The following MORN1 variants were observed in gnomAD, a reference collection of about 807,000 sequenced individuals.
MORN1 encodes the protein MORN repeat-containing protein 1.
MORN1 carries 67 observed loss-of-function variants against 61.9 expected under a neutral mutation model. That is an observed-to-expected ratio of 1.08 (90% CI 0.89 to 1.33). The LOEUF (loss-of-function observed/expected upper bound fraction) is 1.33, where lower values mean the gene tolerates loss of function less well. Ranked by LOEUF, MORN1 falls within the 40% of genes most tolerant of loss-of-function variation. The pLI, the probability that MORN1 is intolerant of heterozygous loss-of-function variation, is 0.00. For synonymous variants in MORN1, 301 were observed against 292.0 expected, an observed-to-expected ratio of 1.03 and a Z score of -0.31; for missense variants, 752 against 691.2, an observed-to-expected ratio of 1.09 and a Z score of -0.99.
intron 12 of MORN1, among the ~76,000 whole-genome samples, chr1:2,328,258 G>T (rs1324967841): frequency 1.3e-5 from 2 of 152,280 alleles, no homozygotes; most frequent in Admixed American, 6.5e-5. Context: ...CCAGGCCAGG[G>T]AGGGCGGTTT....
chr1:2,323,060 C>T lies in MORN1; in HGVS notation c.1297+1037G>A, dbSNP rs552841895. ...CTCCGCCGAGCACATAAACCCTGGC[C>T]GAGCGGCTGCGCACAGGTGCCAGCG... On this transcript the variant is annotated intron_variant, in intron 13 of 13. Coordinates refer to ENST00000378531, the MANE Select transcript of MORN1 (RefSeq NM_024848.3). 500 of 985,430 alleles carry T rather than the reference C, an allele frequency of 5.1e-4. 8 individuals carry two copies. In the South Asian group the frequency reaches 0.014, roughly 28 times the overall value. 61.0% of individuals were successfully genotyped at this position (985,430 alleles called of 1,614,324 possible).
chr1:2,323,716 C>G, intron 13 of MORN1: 1 of 985,372 alleles, frequency 1.0e-6, no homozygotes, highest in Non-Finnish European at 1.2e-6. Flanking sequence ...CTGCAGCCGG[C>G]CTTGCTGGGG....
At position 2,342,887 on chromosome 1, in the gene MORN1, T is replaced by TTTTA. The variant is rs1451893656; in HGVS notation, c.1037-6041_1037-6038dup. On this transcript the variant is annotated intron_variant, in intron 10 of 13. Coordinates refer to ENST00000378531, the MANE Select transcript of MORN1 (RefSeq NM_024848.3). ...ATTTTATTTATTTTATTTTATTTTA[T>TTTTA]TTTATTTTATTTTATTTTATTTTAT... Among the ~76,000 whole-genome samples the TTTTA allele has an allele frequency of 4.8e-3, 545 of 113,136 alleles. 5 individuals are homozygous for TTTTA. The highest frequency in any genetic ancestry group is 0.026 in the East Asian group (124 of 4,816). 74.2% of individuals were successfully genotyped at this position (113,136 alleles called of 152,430 possible).
intron 13 of MORN1, chr1:2,322,218 AG>A (rs1557863364): frequency 1.0e-6 from 1 of 985,332 alleles, no homozygotes; most frequent in East Asian, 1.1e-4. Flanking sequence ...ACCATAAAAA[AG>A]AAAATAAGAA....
Position 2,391,478 on chromosome 1 carries a change from G to C in MORN1, c.56C>G (p.Pro19Arg), listed in dbSNP as rs1190551980. The stretch of plus-strand genomic sequence containing the variant: ...GTTACCGTTCCGGGGCGGCCGCCTA[G>C]GCGGGTCCCGACGCGGCCCGCGGGA... ...PSSRGPRRDP[P>R]RRPPRNGYGV... Residue 19 changes from proline to arginine, a missense_variant, in exon 1 of 14, where the codon CCT (proline) becomes CGT (arginine). By Grantham distance (103) the Pro-to-Arg change is moderately radical. Coordinates refer to ENST00000378531, the MANE Select transcript of MORN1 (RefSeq NM_024848.3). The C allele has an allele frequency of 4.0e-6, 5 of 1,255,652 alleles. No individual in the cohort carries two copies. The highest frequency in any genetic ancestry group is 5.0e-6 in the Non-Finnish European group (5 of 993,080). 77.8% of individuals were successfully genotyped at this position (1,255,652 alleles called of 1,614,324 possible). A position where few individuals can be genotyped will look rare whatever the true frequency, so the allele number is the denominator to read the frequency against.
chr1:2,364,340 T>A (rs932700946), intron 8 of MORN1, among the ~76,000 whole-genome samples: 2 of 152,140 alleles, frequency 1.3e-5, no homozygotes, highest in Admixed American at 6.5e-5. Context: ...CATTTTTTCA[T>A]GTGTTTTTTG....
At chr1:2,385,211 C>A (rs979592262) in intron 5 of MORN1, 146 bp from the exon 6 acceptor site, 13 of 795,500 alleles carry the variant, frequency 1.6e-5, no homozygotes. Flanking sequence ...AGAGCTCCTG[C>A]CTCGCCAGGG....
At chr1:2,382,821 A>C (rs1250496678) in intron 6 of MORN1, among the ~76,000 whole-genome samples, 1 of 152,210 alleles carries the variant, frequency 6.6e-6, no homozygotes, top group Non-Finnish European at 1.5e-5. Flanking sequence ...CCCGTGGTCC[A>C]GCAAGGACAC....
In MORN1 at chr1:2,333,539, C is replaced by T. The variant is rs72920941; in HGVS notation, c.1250+2930G>A. ...CACAGGGCCACACTGTAGGGGGACC[C>T]GAGGGAGGTCTCGGACCTCAGGGGT... On this transcript the variant is annotated intron_variant, in intron 12 of 13. Transcript: ENST00000378531. Among the ~76,000 whole-genome samples, 562 of 152,280 alleles carry T rather than the reference C, an allele frequency of 3.7e-3. 4 individuals are homozygous for T. Among genetic ancestry groups the T allele is most frequent in the African/African-American group, 0.012 (503 of 41,554 alleles).
intron 10 of MORN1, among the ~76,000 whole-genome samples, chr1:2,353,588 T>C (rs1174152019): frequency 1.3e-5 from 2 of 152,260 alleles, no homozygotes; most frequent in Non-Finnish European, 2.9e-5. Flanking sequence ...CCATGATTAC[T>C]TTAGTTTTCT....
chr1:2,378,864 G>A (rs912772916), intron 6 of MORN1: 8 of 446,918 alleles, frequency 1.8e-5, no homozygotes, highest in Admixed American at 2.4e-5. Flanking sequence ...GGGGGTGCTC[G>A]TGGCCCAGGA....
At chr1:2,387,590 G>T in intron 3 of MORN1, 61 bp from the exon 4 acceptor site, 1 of 1,240,310 alleles carries the variant, frequency 8.1e-7, no homozygotes. Context: ...GGCCCCAGTC[G>T]GCTCTCCTCT....
chr1:2,383,661 G>A (rs559778414), intron 6 of MORN1, among the ~76,000 whole-genome samples: 23 of 152,334 alleles, frequency 1.5e-4, no homozygotes, highest in African/African-American at 4.6e-4. Context: ...TGTGACCTGC[G>A]CTGCGTTTAG....
rs2100302964 is a variant in MORN1, at chr1:2,357,012, CGA to C, written c.1036+418_1036+419del. ...GCGGAGCAGCGGGAAACCCTGACCT[CGA>C]GAGAGCAGTCGGCGCCGCGGCCCCC... On this transcript the variant is annotated intron_variant, in intron 10 of 13. Transcript: ENST00000378531. This position sits in a 1 kb window ranked among gnomAD's most constrained non-coding sequence, Gnocchi z 6.3. Among the ~76,000 whole-genome samples the C allele has an allele frequency of 6.6e-6, 1 of 152,220 alleles. No individual in the cohort carries two copies. The highest frequency in any genetic ancestry group is 2.1e-4 in the South Asian group (1 of 4,824).
At chr1:2,325,146 C>CCTTT (rs1640988125) in intron 12 of MORN1, among the ~76,000 whole-genome samples, 1 of 19,394 alleles carries the variant, frequency 5.2e-5, no homozygotes, top group Non-Finnish European at 9.8e-5. Context: ...CTCCCTCCCT[C>CCTTT]CCTTCCTTCC....
rs371807562 is a variant in MORN1 at position 2,325,140 on chromosome 1, C to CTTCCTTCCCTTCCT, written c.1251-998_1251-997insAGGAAGGGAAGGAA. ...TTCCTTCCCTTCCTTCCTTCCCTCC[C>CTTCCTTCCCTTCCT]TCCCTCCCTTCCTTCCCTCCCTTCC... On this transcript the variant is annotated intron_variant, in intron 12 of 13. Coordinates refer to ENST00000378531, the MANE Select transcript of MORN1 (RefSeq NM_024848.3). Among the ~76,000 whole-genome samples, 2 of 6,692 alleles carry CTTCCTTCCCTTCCT rather than the reference C, an allele frequency of 3.0e-4. 1 individual carries two copies. Among genetic ancestry groups the CTTCCTTCCCTTCCT allele is most frequent in the African/African-American group, 1.8e-3 (2 of 1,092 alleles). The allele number at this position is 6,692 out of a possible 152,430, so 4.4% of individuals were successfully genotyped here. A position where few individuals can be genotyped will look rare whatever the true frequency, so the allele number is the denominator to read the frequency against.
intron 10 of MORN1, among the ~76,000 whole-genome samples, chr1:2,342,361 C>T (rs1350664352): frequency 1.3e-5 from 2 of 152,240 alleles, no homozygotes; most frequent in Admixed American, 6.5e-5. Flanking sequence ...CAGGACCTGG[C>T]CAGGGGGAGG....
chr1:2,355,703 C>T (rs965597346), intron 10 of MORN1, among the ~76,000 whole-genome samples: 10 of 152,318 alleles, frequency 6.6e-5, no homozygotes, highest in African/African-American at 2.2e-4. Context: ...AGAGGGACTG[C>T]TGCAGACAGT....
At chr1:2,386,268 C>T (rs997407725) in intron 4 of MORN1, 12 of 216,460 alleles carry the variant, frequency 5.5e-5, no homozygotes, top group South Asian at 9.6e-5. Flanking sequence ...TTGGGCCTGT[C>T]GTTTGTTTTC....
Sources: allele counts gnomAD v4.1 joint callset (sites outside exome capture counted in the v4.1 genomes callset), GRCh38; gene constraint gnomAD v4.1.1; non-coding constraint Gnocchi (gnomAD v3.1); transcripts MANE v1.5; gene names NCBI Gene and HGNC (gene_info 2026-07-23, HGNC 2026-07-21).